The following KLHL3 variants were observed in gnomAD, a reference collection of about 807,000 sequenced individuals.
KLHL3 encodes the protein kelch like family member 3, also known as kelch-like protein 3.
Under a neutral mutation model 70.5 loss-of-function variants are expected in KLHL3, and 19 were observed. The observed-to-expected ratio is 0.27, with a 90% CI of 0.19 to 0.40. KLHL3 has a LOEUF of 0.40. Among genes scored for constraint, KLHL3 ranks in the 10% least tolerant of loss-of-function variants. KLHL3 has a pLI of 1.00. For missense variants in KLHL3, 512 were observed against 771.1 expected (o/e 0.66, Z 3.98); for synonymous variants, 258 against 290.3 (o/e 0.89, Z 1.13).
intron 4 of KLHL3, 113 bp from the exon 5 acceptor site, chr5:137,692,560 C>T (rs1031817385): frequency 2.4e-5 from 24 of 998,552 alleles, no homozygotes; most frequent in East Asian, 7.8e-5. Context: ...CTCCACTGCC[C>T]GCCAGTAAGT....
chr5:137,735,270 C>G (rs1753242591), intron 1 of KLHL3, among the ~76,000 whole-genome samples: 1 of 152,184 alleles, frequency 6.6e-6, no homozygotes, highest in Non-Finnish European at 1.5e-5. Context: ...AAAAAACACC[C>G]CGGGAAAGGA....
intron 11 of KLHL3, 29 bp downstream of exon 11, chr5:137,637,265 C>G: frequency 6.3e-7 from 1 of 1,590,840 alleles, no homozygotes; most frequent in South Asian, 1.1e-5. Context: ...CCAGGTAGGC[C>G]TGGCCACTGG....
At chr5:137,675,843 T>G (rs1421687002) in intron 6 of KLHL3, among the ~76,000 whole-genome samples, 21 of 152,200 alleles carry the variant, frequency 1.4e-4, no homozygotes, top group Admixed American at 1.4e-3. Flanking sequence ...TCCTGCTGTT[T>G]ATATGAGTGC....
chr5:137,722,133 C>T (rs898974811), intron 1 of KLHL3, among the ~76,000 whole-genome samples: 5 of 152,220 alleles, frequency 3.3e-5, no homozygotes, highest in Non-Finnish European at 7.3e-5. Flanking sequence ...ATCCATGCTA[C>T]CACTTAACTT....
chr5:137,622,405 C>A (rs984708401), intron 14 of KLHL3, among the ~76,000 whole-genome samples: 5 of 152,232 alleles, frequency 3.3e-5, no homozygotes, highest in Non-Finnish European at 5.9e-5. Flanking sequence ...TGTGGTGACT[C>A]CCATCCCCAG....
chr5:137,648,649 T>C (rs1381882094), intron 8 of KLHL3, among the ~76,000 whole-genome samples: 1 of 152,244 alleles, frequency 6.6e-6, no homozygotes, highest in South Asian at 2.1e-4. Flanking sequence ...TGTGTCAGTA[T>C]GCTCTGTGCA....
chr5:137,624,913 T>A (rs1750417586), intron 14 of KLHL3, among the ~76,000 whole-genome samples: 1 of 152,118 alleles, frequency 6.6e-6, no homozygotes, highest in African/African-American at 2.4e-5. Context: ...CCAAGAAGCT[T>A]CCACACCCGC....
rs201162792 is a variant in KLHL3 at position 137,688,167 on chromosome 5, A to AAAAATAAAAT, written c.526+4108_526+4117dup. Among the ~76,000 whole-genome samples, 14 of 144,422 alleles carry AAAAATAAAAT rather than the reference A, an allele frequency of 9.7e-5. 5 individuals are homozygous for AAAAATAAAAT. The highest frequency in any genetic ancestry group is 2.9e-4 in the African/African-American group (11 of 37,504). 94.7% of individuals were successfully genotyped at this position (144,422 alleles called of 152,430 possible). A position where few individuals can be genotyped will look rare whatever the true frequency, so the allele number is the denominator to read the frequency against. ...AAACACCCAAGAATGATCAATAAAA[A>AAAAATAAAAT]AAAATAAAATAAAATAAAATAAAAT... On this transcript the variant is annotated intron_variant, in intron 5 of 14. Coordinates refer to ENST00000309755, the MANE Select transcript of KLHL3 (RefSeq NM_017415.3).
chr5:137,686,154 C>T (rs1218288588), intron 5 of KLHL3, among the ~76,000 whole-genome samples: 1 of 152,196 alleles, frequency 6.6e-6, no homozygotes, highest in Non-Finnish European at 1.5e-5. Context: ...ACATACCTGC[C>T]TGCACTATAC....
chr5:137,733,393 C>T (rs1753211247), intron 1 of KLHL3, among the ~76,000 whole-genome samples: 1 of 152,160 alleles, frequency 6.6e-6, no homozygotes, highest in Non-Finnish European at 1.5e-5. Flanking sequence ...AGCTAATCAG[C>T]TAATAACTAT....
rs747083651 is a variant in KLHL3, at chr5:137,731,648, C to T, written c.14+3985G>A. ...ATTAAGAACCATCCTCTGAGGACAC[C>T]TCACACAAAATCACAGCATAGTGCC... On this transcript the variant is annotated intron_variant, in intron 1 of 14. Transcript: ENST00000309755. Among the ~76,000 whole-genome samples the T allele has an allele frequency of 3.0e-4, 46 of 152,164 alleles. 1 individual carries two copies. Among genetic ancestry groups the T allele is most frequent in the Non-Finnish European group, 8.8e-5 (6 of 68,026 alleles).
At chr5:137,633,575 A>G (rs1009216826) in intron 12 of KLHL3, among the ~76,000 whole-genome samples, 2 of 152,248 alleles carry the variant, frequency 1.3e-5, no homozygotes, top group Admixed American at 6.5e-5. Flanking sequence ...CTAAGTATCC[A>G]TCAATGGCTG....
At chr5:137,630,345 G>C (rs1208466917) in intron 12 of KLHL3, among the ~76,000 whole-genome samples, 1 of 152,160 alleles carries the variant, frequency 6.6e-6, no homozygotes, top group Non-Finnish European at 1.5e-5. Flanking sequence ...AGGGCCAGGT[G>C]ATGTCCACCC....
In KLHL3 at chr5:137,709,816, C is replaced by T; in HGVS notation, c.175G>A (p.Val59Ile). 1.2e-6 allele frequency: 2 copies of T among 1,614,156 alleles called. No individual in the cohort carries two copies. The highest frequency in any genetic ancestry group is 2.2e-5 in the South Asian group (2 of 91,076). The change falls in exon 3 of 15, where the codon GTC becomes ATC. Residue 59 changes from valine to isoleucine, a missense_variant. Transcript: ENST00000309755. ...LCDVMIVAED[V>I]EIEAHRVVLA... is the part of the protein sequence containing the mutation. ...ACCACACGGTGGGCTTCTATCTCGA[C>T]ATCTTCTGCCACAATCATCACGTCA...
At chr5:137,733,860 C>T (rs901764736) in intron 1 of KLHL3, among the ~76,000 whole-genome samples, 3 of 152,260 alleles carry the variant, frequency 2.0e-5, no homozygotes, top group Non-Finnish European at 2.9e-5. Flanking sequence ...GACTTGAACG[C>T]GTGGCATGGT....
At chr5:137,702,011 A>G (rs1420292613) in intron 3 of KLHL3, among the ~76,000 whole-genome samples, 2 of 152,220 alleles carry the variant, frequency 1.3e-5, no homozygotes. Context: ...TTGCTCATTT[A>G]TTCAATTCAC....
At position 137,721,417 on chromosome 5, in the gene KLHL3, G is replaced by A. The variant is rs1022400255; in HGVS notation, c.15-833C>T. ...CTGAAATAATGAGAAGCCATCAAAG[G>A]GTTTTAAACAAAGTAGGACAGAAAG... On this transcript the variant is annotated intron_variant, in intron 1 of 14. Coordinates refer to ENST00000309755, the MANE Select transcript of KLHL3 (RefSeq NM_017415.3). 3.6e-4 allele frequency: 55 copies of A among 152,256 alleles called. 1 individual carries two copies. The highest frequency in any genetic ancestry group is 1.2e-3 in the African/African-American group (51 of 41,524). The allele number at this position is 152,256 out of a possible 1,614,324, so 9.4% of individuals were successfully genotyped here. A position where few individuals can be genotyped will look rare whatever the true frequency, so the allele number is the denominator to read the frequency against.
intron 2 of KLHL3, among the ~76,000 whole-genome samples, chr5:137,713,334 G>T (rs1254888990): frequency 1.3e-5 from 2 of 151,946 alleles, no homozygotes; most frequent in African/African-American, 4.8e-5. Context: ...TATAAGGATA[G>T]CTATATAGAT....
intron 8 of KLHL3, among the ~76,000 whole-genome samples, chr5:137,643,354 C>CAAA (rs11323248): frequency 2.4e-5 from 3 of 122,628 alleles, no homozygotes; most frequent in African/African-American, 9.7e-5. Context: ...GACCCTGTCT[C>CAAA]AAAAAAAAAA....
Sources: gnomAD v4.1 joint callset for allele counts (sites outside exome capture counted in the v4.1 genomes callset) on GRCh38, gnomAD v4.1.1 for gene constraint, MANE v1.5 for transcripts, NCBI Gene and HGNC (gene_info 2026-07-23, HGNC 2026-07-21) for gene names.